Variants in ADAMTS18 observed in about 807,000 individuals in gnomAD.
ADAMTS18 encodes the protein A disintegrin and metalloproteinase with thrombospondin motifs 18.
In ADAMTS18, 157 loss-of-function variants were observed where a neutral mutation model predicts 165.9. The ratio of observed to expected loss-of-function variants is 0.95; its 90% CI spans 0.83 to 1.08. The LOEUF (loss-of-function observed/expected upper bound fraction) is 1.08. Among genes scored for constraint, ADAMTS18 ranks in the 50% least tolerant of loss-of-function variants. The probability of loss-of-function intolerance (pLI) is 0.00; values close to 1 mark genes in which losing one functional copy is unlikely to be tolerated. For synonymous variants in ADAMTS18, 782 were observed against 578.2 expected, an observed-to-expected ratio of 1.35 and a Z score of -5.06; for missense variants, 2,040 against 1,534.0, an observed-to-expected ratio of 1.33 and a Z score of -5.51.
At chr16:77,399,149 T>C (rs1393988876) in intron 3 of ADAMTS18, among the ~76,000 whole-genome samples, 1 of 152,186 alleles carries the variant, frequency 6.6e-6, no homozygotes, top group Non-Finnish European at 1.5e-5. Context: ...GGGATGCCAC[T>C]TTACTCAGGC....
At chr16:77,390,241 A>G (rs559664867) in intron 3 of ADAMTS18, among the ~76,000 whole-genome samples, 152 of 152,344 alleles carry the variant, frequency 1.0e-3, no homozygotes, top group African/African-American at 3.5e-3. Flanking sequence ...TAAAGTAAAC[A>G]AATTTAAAAA....
chr16:77,333,812 T>C (rs560588720), intron 12 of ADAMTS18, among the ~76,000 whole-genome samples: 233 of 147,750 alleles, frequency 1.6e-3, no homozygotes, highest in South Asian at 8.6e-3. Flanking sequence ...ATAGTACAGA[T>C]ACTATATATT....
intron 7 of ADAMTS18, among the ~76,000 whole-genome samples, chr16:77,359,862 C>T (rs1283527564): frequency 1.3e-5 from 2 of 152,138 alleles, no homozygotes; most frequent in Non-Finnish European, 2.9e-5. Context: ...CAAGGAAAAA[C>T]ACATATCCTG....
chr16:77,361,326 G>A (rs1231219700), intron 7 of ADAMTS18, among the ~76,000 whole-genome samples: 2 of 152,030 alleles, frequency 1.3e-5, no homozygotes, highest in South Asian at 2.1e-4. Flanking sequence ...TATGTGCAAT[G>A]GAATATACTA....
At chr16:77,408,352 A>C (rs1425247898) in intron 3 of ADAMTS18, among the ~76,000 whole-genome samples, 1 of 152,158 alleles carries the variant, frequency 6.6e-6, no homozygotes, top group Non-Finnish European at 1.5e-5. Context: ...TTTCTAGATA[A>C]ATATAGCCAA....
At chr16:77,368,865 G>C (rs1308534181) in intron 3 of ADAMTS18, among the ~76,000 whole-genome samples, 1 of 152,186 alleles carries the variant, frequency 6.6e-6, no homozygotes, top group Non-Finnish European at 1.5e-5. Flanking sequence ...CAAGAAGAAA[G>C]GGGAGACCCT....
chr16:77,376,382 C>T (rs900548754), intron 3 of ADAMTS18, among the ~76,000 whole-genome samples: 6 of 152,178 alleles, frequency 3.9e-5, no homozygotes, highest in Non-Finnish European at 8.8e-5. Flanking sequence ...TACAAATCCA[C>T]GTGAGATTTG....
Position 77,341,806 on chromosome 16 carries a change from TA to T in ADAMTS18, c.1615-8del, listed in dbSNP as rs113693298. ...AAAGTGATTTGCAAATATCCTGAAATAAAAAAAAAGGGGGGTGCTGTTAATG... is the reference window on the plus strand; with the variant it reads ...AAAGTGATTTGCAAATATCCTGAAATAAAAAAAAGGGGGGTGCTGTTAATG... On this transcript the variant is annotated splice_polypyrimidine_tract_variant and splice_region_variant and intron_variant, in intron 10 of 22. Coordinates refer to ENST00000282849, the MANE Select transcript of ADAMTS18 (RefSeq NM_199355.4). 0.023 allele frequency: 35,831 copies of T among 1,573,612 alleles called. 1,175 individuals carry two copies. The highest frequency in any genetic ancestry group is 0.15 in the African/African-American group (11,082 of 72,580).
chr16:77,345,387 C>T (rs2056460961), intron 10 of ADAMTS18, among the ~76,000 whole-genome samples: 1 of 152,170 alleles, frequency 6.6e-6, no homozygotes, highest in Admixed American at 6.5e-5. Context: ...TCTTCTGTTT[C>T]TTTCACATTC....
chr16:77,289,359 T>C lies in ADAMTS18; in HGVS notation c.3455A>G (p.Gln1152Arg), dbSNP rs1156873978. The change falls in exon 22 of 23, where the codon CAG becomes CGG. Residue 1152 changes from glutamine (Q) to arginine (R), a missense_variant. Transcript: ENST00000282849. The part of the protein sequence containing the change: ...GVQTRSVHCV[Q>R]QGRPSSSCLL... ...ACAACTTGAGGAAGGCCGGCCTTGCTGAACACAGTGGACTGACCGGGTCTG... is the reference window on the plus strand; with the variant it reads ...ACAACTTGAGGAAGGCCGGCCTTGCCGAACACAGTGGACTGACCGGGTCTG... The C allele has an allele frequency of 1.2e-6, 2 of 1,614,156 alleles. No individual in the cohort carries two copies.
chr16:77,433,152 T>A (rs187278151), intron 2 of ADAMTS18, among the ~76,000 whole-genome samples: 1 of 152,222 alleles, frequency 6.6e-6, no homozygotes, highest in Non-Finnish European at 1.5e-5. Flanking sequence ...GTGCAATTTC[T>A]TAGAGAAAGT....
intron 16 of ADAMTS18, among the ~76,000 whole-genome samples, chr16:77,319,127 T>C (rs187965723): frequency 6.6e-6 from 1 of 152,342 alleles, no homozygotes; most frequent in South Asian, 2.1e-4. Context: ...TTTAGTATGA[T>C]GAAACTCTGC....
chr16:77,290,337 A>T (rs2055338418), intron 21 of ADAMTS18, among the ~76,000 whole-genome samples: 1 of 152,218 alleles, frequency 6.6e-6, no homozygotes, highest in African/African-American at 2.4e-5. Flanking sequence ...ATTCCAGTTA[A>T]ACTTTATAAA....
rs1249442406 is a variant in ADAMTS18 at position 77,282,799 on chromosome 16, A to G, written c.*1157T>C. On this transcript the variant is annotated 3_prime_UTR_variant, in exon 23 of 23. Transcript: ENST00000282849. ...AACAGCTGGCTTCTGATGACTGAAA[A>G]TACTCTTATTCAGTGAGGGTCTTGT... 6.6e-6 allele frequency: 1 copy of G among 152,512 alleles called. No homozygotes were observed. Among genetic ancestry groups the G allele is most frequent in the African/African-American group, 2.4e-5 (1 of 41,416 alleles). The allele number at this position is 152,512 out of a possible 1,614,324, so 9.4% of individuals were successfully genotyped here. A position where few individuals can be genotyped will look rare whatever the true frequency, so the allele number is the denominator to read the frequency against.
chr16:77,332,373 G>T (rs2056203121), intron 12 of ADAMTS18, among the ~76,000 whole-genome samples: 2 of 152,078 alleles, frequency 1.3e-5, no homozygotes, highest in Admixed American at 1.3e-4. Context: ...CCGTCCTCCT[G>T]GTGAGCTTGG....
At chr16:77,386,264 G>T (rs1027290320) in intron 3 of ADAMTS18, among the ~76,000 whole-genome samples, 2 of 152,140 alleles carry the variant, frequency 1.3e-5, no homozygotes, top group African/African-American at 4.8e-5. Context: ...CAACCTGGCT[G>T]ACCACCAGGC....
intron 3 of ADAMTS18, among the ~76,000 whole-genome samples, chr16:77,371,354 G>T (rs1422307868): frequency 5.3e-5 from 8 of 152,072 alleles, no homozygotes; most frequent in African/African-American, 1.7e-4. Context: ...GAACACAGCT[G>T]GAAACATCAC....
intron 16 of ADAMTS18, among the ~76,000 whole-genome samples, chr16:77,313,767 G>A (rs190649755): frequency 1.4e-4 from 22 of 152,240 alleles, no homozygotes; most frequent in Admixed American, 7.2e-4. Context: ...AGGCCTCTTG[G>A]CAAAAATTAA....
chr16:77,343,551 G>T (rs187696571), intron 10 of ADAMTS18, among the ~76,000 whole-genome samples: 3 of 152,282 alleles, frequency 2.0e-5, no homozygotes, highest in Admixed American at 2.0e-4. Context: ...TGAAAAAACT[G>T]AGCAAGCTTC....
Sources: gnomAD v4.1 joint callset for allele counts (sites outside exome capture counted in the v4.1 genomes callset) on GRCh38, gnomAD v4.1.1 for gene constraint, MANE v1.5 for transcripts, NCBI Gene and HGNC (gene_info 2026-07-23, HGNC 2026-07-21) for gene names.